The following ANKRD45 variants were observed in gnomAD, a reference collection of about 807,000 sequenced individuals.
ANKRD45 encodes the protein ankyrin repeat domain 45, also known as ankyrin repeat domain-containing protein 45.
A neutral mutation model predicts 28.1 loss-of-function variants in ANKRD45; 21 were observed. The ratio of observed to expected loss-of-function variants is 0.75; its 90% CI spans 0.53 to 1.08. ANKRD45 has a LOEUF of 1.08. Among genes scored for constraint, ANKRD45 ranks in the 50% least tolerant of loss-of-function variants. The pLI is 0.00. For synonymous variants in ANKRD45, 86 were observed against 103.9 expected, an observed-to-expected ratio of 0.83 and a Z score of 1.05; for missense variants, 261 against 308.7, an observed-to-expected ratio of 0.85 and a Z score of 1.16.
At chr1:173,646,522 G>A (rs921045604) in intron 3 of ANKRD45, among the ~76,000 whole-genome samples, 4 of 152,108 alleles carry the variant, frequency 2.6e-5, no homozygotes, top group East Asian at 1.9e-4. Flanking sequence ...CACTTTGCCT[G>A]AGTCTCTCAA....
chr1:173,673,864 C>T (rs1670335249), upstream of ANKRD45, among the ~76,000 whole-genome samples: 1 of 152,106 alleles, frequency 6.6e-6, no homozygotes, highest in Non-Finnish European at 1.5e-5. Flanking sequence ...ATATTAAAGC[C>T]ACTCCCCTGG....
At chr1:173,650,329 C>T (rs1669126143) in intron 2 of ANKRD45, among the ~76,000 whole-genome samples, 1 of 152,126 alleles carries the variant, frequency 6.6e-6, no homozygotes, top group Non-Finnish European at 1.5e-5. Context: ...TTGTTCAATT[C>T]CCACATATGA....
intron 3 of ANKRD45, among the ~76,000 whole-genome samples, chr1:173,642,802 A>G (rs1668756683): frequency 6.6e-6 from 1 of 152,172 alleles, no homozygotes; most frequent in South Asian, 2.1e-4. Context: ...CTAAGTTGCT[A>G]GCCAATCAGG....
chr1:173,715,170 C>A, the ANKRD45 span: 2 of 152,412 alleles, frequency 1.3e-5, no homozygotes, highest in Admixed American at 6.5e-5. Context: ...CTGAGCTGCC[C>A]CATGGGGTCA....
intron 5 of ANKRD45, among the ~76,000 whole-genome samples, chr1:173,622,867 G>C (rs567250993): frequency 6.6e-6 from 1 of 152,206 alleles, no homozygotes; most frequent in East Asian, 1.9e-4. Context: ...AGAGTGAACA[G>C]ACAACCTACA....
the ANKRD45 span, among the ~76,000 whole-genome samples, chr1:173,706,886 T>A: frequency 6.6e-6 from 1 of 152,174 alleles, no homozygotes; most frequent in Non-Finnish European, 1.5e-5. Flanking sequence ...AGAAGTTTTA[T>A]CATTTTGCAC....
the ANKRD45 span, among the ~76,000 whole-genome samples, chr1:173,697,387 A>C: frequency 6.6e-6 from 1 of 152,218 alleles, no homozygotes; most frequent in African/African-American, 2.4e-5. Context: ...GTTGAAATGA[A>C]GGAAAAAATG....
At chr1:173,691,496 T>A in the ANKRD45 span, among the ~76,000 whole-genome samples, 1 of 152,216 alleles carries the variant, frequency 6.6e-6, no homozygotes, top group Admixed American at 6.5e-5. Flanking sequence ...CAGGTACTTC[T>A]GTAGAAAGAT....
chr1:173,675,805 T>G, the ANKRD45 span, among the ~76,000 whole-genome samples: 3 of 152,232 alleles, frequency 2.0e-5, no homozygotes, highest in African/African-American at 7.2e-5. Flanking sequence ...TTTATTACAC[T>G]TCACCTGATT....
At chr1:173,642,691 T>C (rs1452535714) in intron 3 of ANKRD45, among the ~76,000 whole-genome samples, 3 of 152,262 alleles carry the variant, frequency 2.0e-5, no homozygotes, top group Non-Finnish European at 4.4e-5. Context: ...ATAGCCTGTT[T>C]CTCTTTCCTT....
chr1:173,711,647 C>G, the ANKRD45 span, among the ~76,000 whole-genome samples: 2 of 152,154 alleles, frequency 1.3e-5, no homozygotes, highest in Middle Eastern at 3.2e-3. Context: ...CTTTCACACA[C>G]CCAATCTAAA....
intron 3 of ANKRD45, among the ~76,000 whole-genome samples, chr1:173,639,995 T>C (rs1284932209): frequency 6.6e-6 from 1 of 152,010 alleles, no homozygotes; most frequent in East Asian, 1.9e-4. Flanking sequence ...TCAGGGAGGG[T>C]AGAAAGGATG....
At chr1:173,709,135 T>G in the ANKRD45 span, among the ~76,000 whole-genome samples, 1 of 152,348 alleles carries the variant, frequency 6.6e-6, no homozygotes, top group African/African-American at 2.4e-5. Context: ...GGAACATTCC[T>G]CCTTCCCTTT....
At chr1:173,680,972 G>C in the ANKRD45 span, among the ~76,000 whole-genome samples, 5 of 151,242 alleles carry the variant, frequency 3.3e-5, no homozygotes, top group South Asian at 2.1e-4. Context: ...TGGTGGGTGG[G>C]GGGGAGGCGG....
chr1:173,620,945 C>T (rs1457427295), intron 5 of ANKRD45, among the ~76,000 whole-genome samples: 1 of 152,004 alleles, frequency 6.6e-6, no homozygotes, highest in Non-Finnish European at 1.5e-5. Context: ...GCAGAAGAAT[C>T]AAATAGACAC....
chr1:173,681,233 C>G, the ANKRD45 span, among the ~76,000 whole-genome samples: 5 of 152,092 alleles, frequency 3.3e-5, no homozygotes, highest in South Asian at 2.1e-4. Context: ...GAAAATTTTA[C>G]TGTTCTATTC....
the ANKRD45 span, among the ~76,000 whole-genome samples, chr1:173,686,356 C>T: frequency 6.6e-6 from 1 of 151,968 alleles, no homozygotes. Flanking sequence ...TAGGGTTTTC[C>T]CCTGGGACTA....
intron 3 of ANKRD45, among the ~76,000 whole-genome samples, chr1:173,643,088 T>A (rs1668768168): frequency 6.6e-6 from 1 of 152,146 alleles, no homozygotes; most frequent in Non-Finnish European, 1.5e-5. Flanking sequence ...ATGTGTTAGA[T>A]TATATATAGA....
chr1:173,680,548 A>G, the ANKRD45 span, among the ~76,000 whole-genome samples: 1 of 151,602 alleles, frequency 6.6e-6, no homozygotes, highest in Non-Finnish European at 1.5e-5. Context: ...TGGGGGTGAC[A>G]GGTTGATGGG....
Sources: allele counts gnomAD v4.1 joint callset (sites outside exome capture counted in the v4.1 genomes callset), GRCh38; gene constraint gnomAD v4.1.1; transcripts MANE v1.5; gene names NCBI Gene and HGNC (gene_info 2026-07-23, HGNC 2026-07-21).